Variants in GNAS observed in about 807,000 individuals in gnomAD.
The protein encoded by GNAS is protein ALEX.
A neutral mutation model predicts 54.5 loss-of-function variants in GNAS; 8 were observed. That is an observed-to-expected ratio of 0.15 (90% CI 0.09 to 0.26). The LOEUF (loss-of-function observed/expected upper bound fraction) is 0.26. Among genes scored for constraint, GNAS ranks in the 10% least tolerant of loss-of-function variants. The pLI is 1.00. For missense variants in GNAS, 170 were observed against 529.8 expected (o/e 0.32, Z 6.67); for synonymous variants, 204 against 191.4 (o/e 1.07, Z -0.54).
At chr20:58,875,813 C>G (rs143125425) in intron 1 of GNAS, among the ~76,000 whole-genome samples, 4 of 152,140 alleles carry the variant, frequency 2.6e-5, no homozygotes, top group African/African-American at 9.7e-5. Flanking sequence ...ATGACACATA[C>G]AACAGTCAGG....
chr20:58,895,726 A>G, intron 2 of GNAS, 42 bp downstream of exon 2: 1 of 1,138,314 alleles, frequency 8.8e-7, no homozygotes, highest in South Asian at 1.2e-5. Flanking sequence ...AGTAAGAGGA[A>G]CAGACTTTAT....
chr20:58,869,167 C>T (rs992231847), intron 1 of GNAS, among the ~76,000 whole-genome samples: 1 of 152,180 alleles, frequency 6.6e-6, no homozygotes, highest in Admixed American at 6.5e-5. Context: ...CCTGGTGCCC[C>T]GGTTCTCCTG....
chr20:58,910,880 T>G lies in GNAS; in HGVS notation c.*51T>G. On this transcript the variant is annotated 3_prime_UTR_variant, in exon 13 of 13. Transcript: ENST00000371085. This position sits in a 1 kb window ranked among gnomAD's most constrained non-coding sequence, Gnocchi z 5.8. ...AGCCTTAAGCACAATTAATTAAAAG[T>G]GAAACGTAATTGTACAAGCAGTTAA... 1 of 1,552,038 alleles carries G rather than the reference T, an allele frequency of 6.4e-7. No homozygotes were observed. Among genetic ancestry groups the G allele is most frequent in the Non-Finnish European group, 8.9e-7 (1 of 1,124,818 alleles).
chr20:58,899,342 C>T, intron 3 of GNAS: 1 of 509,498 alleles, frequency 2.0e-6, no homozygotes, highest in Non-Finnish European at 3.7e-6. Context: ...AAACTATCTA[C>T]TAAATTCCAT....
At chr20:58,891,240 A>AGCCGCC (rs530801993), upstream of GNAS, 17,687 of 141,680 alleles carry the variant, frequency 0.12, 1,525 homozygotes, top group Non-Finnish European at 0.18. Context: ...CCGCCCTCCC[A>AGCCGCC]GCCGCCGCCG....
chr20:58,848,876 C>T (rs746424913), intron 1 of GNAS: 53 of 398,466 alleles, frequency 1.3e-4, no homozygotes, highest in Non-Finnish European at 2.2e-4. Context: ...TAGCTCCACT[C>T]ACCTAAAGGA....
rs144506215 is a variant in GNAS at position 58,867,153 on chromosome 20, G to A, written c.43+26267G>A. The stretch of plus-strand genomic sequence containing the variant: ...ATGTTGATTTTGAAATTTTGCCTGC[G>A]AAAGTGCAACATCTTTCCAAGCAAA... On this transcript the variant is annotated intron_variant, in intron 1 of 12. Coordinates refer to the GNAS transcript ENST00000306090. Among the ~76,000 whole-genome samples the A allele has an allele frequency of 1.7e-3, 259 of 152,300 alleles. 1 individual carries two copies. The highest frequency in any genetic ancestry group is 5.8e-3 in the African/African-American group (240 of 41,566).
intron 1 of GNAS, among the ~76,000 whole-genome samples, chr20:58,871,998 C>T (rs2087501912): frequency 6.6e-6 from 1 of 152,102 alleles, no homozygotes; most frequent in South Asian, 2.1e-4. Context: ...GAGGCAGGTT[C>T]ACAATCCAGG....
intron 1 of GNAS, among the ~76,000 whole-genome samples, chr20:58,867,171 C>T (rs967000340): frequency 6.6e-6 from 1 of 152,164 alleles, no homozygotes; most frequent in African/African-American, 2.4e-5. Context: ...AACATCTTTC[C>T]AAGCAAATGC....
rs1239419410 is a variant in GNAS, at chr20:58,891,557, G to T, written c.-170G>T. On this transcript the variant is annotated 5_prime_UTR_variant, in exon 1 of 13. Coordinates refer to ENST00000371085, the MANE Select transcript of GNAS (RefSeq NM_000516.7). ...CACCCTCCCCTTCCCGCCCGTCCGC[G>T]CGCCCCGCGGCCCGCGGCCCGCAGT... 1 of 972,182 alleles carries T rather than the reference G, an allele frequency of 1.0e-6. No homozygotes were observed. Among genetic ancestry groups the T allele is most frequent in the African/African-American group, 1.8e-5 (1 of 54,992 alleles). The allele number at this position is 972,182 out of a possible 1,614,324, so 60.2% of individuals were successfully genotyped here.
At chr20:58,889,867 G>GTGGCCGGGCCACCATGCTGAAGA (rs1346090368), upstream of GNAS, among the ~76,000 whole-genome samples, 2 of 151,562 alleles carry the variant, frequency 1.3e-5, no homozygotes, top group Non-Finnish European at 2.9e-5. Flanking sequence ...GCTCCCCGAG[G>GTGGCCGGGCCACCATGCTGAAGA]TGGCCGGGCC....
At chr20:58,898,812 G>C in intron 2 of GNAS, 129 bp from the exon 3 acceptor site, 1 of 853,110 alleles carries the variant, frequency 1.2e-6, no homozygotes, top group Middle Eastern at 3.3e-4. Context: ...CGGGAGGATG[G>C]ATGGCTGGCG....
chr20:58,875,735 G>C (rs918110692), intron 1 of GNAS, among the ~76,000 whole-genome samples: 2 of 152,176 alleles, frequency 1.3e-5, no homozygotes, highest in African/African-American at 2.4e-5. Context: ...TAGCCTTCAG[G>C]GTGCCTGACT....
At chr20:58,893,066 CT>C (rs869179421) in intron 1 of GNAS, among the ~76,000 whole-genome samples, 2,432 of 102,896 alleles carry the variant, frequency 0.024, 8 homozygotes, top group Middle Eastern at 0.035. Context: ...GGCGTGGTTT[CT>C]TTTTTTTTTT....
In GNAS at chr20:58,860,097, G is replaced by A. The variant is rs79723704; in HGVS notation, c.43+19211G>A. Among the ~76,000 whole-genome samples, 749 of 152,270 alleles carry A rather than the reference G, an allele frequency of 4.9e-3. 7 individuals are homozygous for A. The highest frequency in any genetic ancestry group is 0.017 in the African/African-American group (694 of 41,556). On this transcript the variant is annotated intron_variant, in intron 1 of 12. Transcript: ENST00000306090. Reference sequence around the variant, plus strand: ...AATCCCTTGCCAAATGACACGTGTCGAGTAGTCTGCTACTTTCTGAATTAT... The same window carrying A: ...AATCCCTTGCCAAATGACACGTGTCAAGTAGTCTGCTACTTTCTGAATTAT...
chr20:58,877,019 G>A (rs1050271744), intron 1 of GNAS: 1 of 152,256 alleles, frequency 6.6e-6, no homozygotes, highest in African/African-American at 2.4e-5. Context: ...CTGATTTCAG[G>A]CAGAGAAAGG....
intron 3 of GNAS, among the ~76,000 whole-genome samples, chr20:58,902,725 C>T (rs1185287777): frequency 3.2e-4 from 22 of 69,488 alleles, no homozygotes; most frequent in Admixed American, 6.5e-4. Context: ...GCACATACGA[C>T]TTTTTTTTTT....
At chr20:58,907,969 C>A (rs139743341) in intron 6 of GNAS, among the ~76,000 whole-genome samples, 1,948 of 152,336 alleles carry the variant, frequency 0.013, 12 homozygotes, top group Middle Eastern at 0.02. Flanking sequence ...ATTTATAGAA[C>A]TGTGGTTCTG....
chr20:58,855,442 C>T, intron 1 of GNAS: 1 of 991,900 alleles, frequency 1.0e-6, no homozygotes, highest in African/African-American at 1.6e-5. Flanking sequence ...GGAGGGGGTC[C>T]AGCCAAAGGC....
Sources: gnomAD v4.1 joint callset for allele counts (sites outside exome capture counted in the v4.1 genomes callset) on GRCh38, gnomAD v4.1.1 for gene constraint, Gnocchi (gnomAD v3.1) non-coding constraint, MANE v1.5 for transcripts, NCBI Gene and HGNC (gene_info 2026-07-23, HGNC 2026-07-21) for gene names.